Variants in PDCD1LG2 observed in about 807,000 individuals in gnomAD.
The protein encoded by PDCD1LG2 is B7 dendritic cell molecule.
PDCD1LG2 carries 32 observed loss-of-function variants against 28.2 expected under a neutral mutation model. The observed-to-expected ratio is 1.13, with a 90% CI of 0.86 to 1.52. The LOEUF is 1.52. Ranked by LOEUF, PDCD1LG2 falls within the 40% of genes most tolerant of loss-of-function variation. The pLI is 0.00. For missense variants in PDCD1LG2, 385 were observed against 323.8 expected, an observed-to-expected ratio of 1.19 and a Z score of -1.45; for synonymous variants, 116 against 120.2, an observed-to-expected ratio of 0.97 and a Z score of 0.23.
intron 1 of PDCD1LG2, among the ~76,000 whole-genome samples, chr9:5,518,804 C>G (rs1820217971): frequency 6.6e-6 from 1 of 152,192 alleles, no homozygotes; most frequent in South Asian, 2.1e-4. Flanking sequence ...CCTATTCAAG[C>G]TTTCATCTGT....
chr9:5,525,904 G>A (rs1586796870), intron 2 of PDCD1LG2, among the ~76,000 whole-genome samples: 1 of 152,060 alleles, frequency 6.6e-6, no homozygotes, highest in Non-Finnish European at 1.5e-5. Flanking sequence ...AAAATTAGCT[G>A]GGCATGGTGG....
At chr9:5,550,556 C>T (rs1298547556) in intron 4 of PDCD1LG2, among the ~76,000 whole-genome samples, 3 of 152,304 alleles carry the variant, frequency 2.0e-5, no homozygotes, top group African/African-American at 7.2e-5. Context: ...TGCAGAGGCC[C>T]TAAGGGAAGA....
chr9:5,564,015 C>T (rs1816617477), intron 6 of PDCD1LG2, among the ~76,000 whole-genome samples: 1 of 152,180 alleles, frequency 6.6e-6, no homozygotes, highest in Non-Finnish European at 1.5e-5. Flanking sequence ...AGCAACTGAG[C>T]ACCATAGCCA....
intron 2 of PDCD1LG2, among the ~76,000 whole-genome samples, chr9:5,523,352 GTCC>G (rs775614818): frequency 6.6e-5 from 10 of 152,332 alleles, no homozygotes; most frequent in Non-Finnish European, 1.5e-4. Flanking sequence ...AGAGGATTAA[GTCC>G]TCAAGACAAT....
chr9:5,542,820 A>G (rs1390228065), intron 3 of PDCD1LG2, among the ~76,000 whole-genome samples: 2 of 152,042 alleles, frequency 1.3e-5, no homozygotes, highest in East Asian at 3.8e-4. Context: ...CAGCAATCCC[A>G]CTACTAGGTA....
chr9:5,522,484 A>G, intron 1 of PDCD1LG2, 49 bp from the exon 2 acceptor site: 2 of 1,443,590 alleles, frequency 1.4e-6, no homozygotes, highest in Non-Finnish European at 1.9e-6. Context: ...AGAACCAAAG[A>G]CCCAGCAAAG....
At chr9:5,556,963 G>C (rs1389327876) in intron 4 of PDCD1LG2, among the ~76,000 whole-genome samples, 1 of 152,150 alleles carries the variant, frequency 6.6e-6, no homozygotes, top group African/African-American at 2.4e-5. Flanking sequence ...CTAGGACGTT[G>C]AAAAACCGAA....
chr9:5,569,929 C>A lies in PDCD1LG2; in HGVS notation c.817-25C>A. 6.2e-7 allele frequency: 1 copy of A among 1,611,828 alleles called. No homozygotes were observed. Among genetic ancestry groups the A allele is most frequent in the Non-Finnish European group, 8.5e-7 (1 of 1,178,664 alleles). The stretch of plus-strand genomic sequence containing the variant: ...TTTCTAATCATAAAAAATGATTTTT[C>A]TTATTTGTGGGCTTTTCTCCCCAGA... On this transcript the variant is annotated intron_variant, in intron 6 of 6. Coordinates refer to ENST00000397747, the MANE Select transcript of PDCD1LG2 (RefSeq NM_025239.4). This position sits in a 1 kb window ranked among gnomAD's most constrained non-coding sequence, Gnocchi z 4.1.
chr9:5,536,985 T>C (rs1430795470), intron 3 of PDCD1LG2, among the ~76,000 whole-genome samples: 1 of 152,206 alleles, frequency 6.6e-6, no homozygotes, highest in Admixed American at 6.5e-5. Flanking sequence ...AAACCCTCTA[T>C]AGTGTTAAAT....
At chr9:5,535,596 G>A (rs1310772667) in intron 3 of PDCD1LG2, among the ~76,000 whole-genome samples, 1 of 152,124 alleles carries the variant, frequency 6.6e-6, no homozygotes, top group East Asian at 1.9e-4. Context: ...AATTTCTGAG[G>A]GACGTGTGTG....
At chr9:5,547,266 C>T (rs943607838) in intron 3 of PDCD1LG2, among the ~76,000 whole-genome samples, 1 of 152,082 alleles carries the variant, frequency 6.6e-6, no homozygotes, top group Non-Finnish European at 1.5e-5. Flanking sequence ...TGTATCACAC[C>T]TCTGCCTTTA....
intron 4 of PDCD1LG2, among the ~76,000 whole-genome samples, chr9:5,555,189 T>C (rs1317399084): frequency 6.6e-6 from 1 of 151,926 alleles, no homozygotes; most frequent in Non-Finnish European, 1.5e-5. Context: ...CTGAGATGGG[T>C]GGATTGCTTG....
At chr9:5,521,437 G>C (rs755940064) in intron 1 of PDCD1LG2, among the ~76,000 whole-genome samples, 1 of 152,018 alleles carries the variant, frequency 6.6e-6, no homozygotes, top group Non-Finnish European at 1.5e-5. Context: ...TAAAGCTGTT[G>C]AAATTTTTAA....
intron 4 of PDCD1LG2, among the ~76,000 whole-genome samples, chr9:5,554,874 C>T (rs1386135710): frequency 5.3e-5 from 8 of 152,194 alleles, no homozygotes; most frequent in African/African-American, 1.9e-4. Context: ...AAATATCCTA[C>T]TTAGCCACTC....
chr9:5,569,119 C>A lies in PDCD1LG2; in HGVS notation c.817-835C>A, dbSNP rs1469872427. Among the ~76,000 whole-genome samples the A allele has an allele frequency of 6.6e-6, 1 of 152,112 alleles. No individual in the cohort carries two copies. The highest frequency in any genetic ancestry group is 1.5e-5 in the Non-Finnish European group (1 of 68,022). ...AGACTGTTAGGGCATGTATTGTAAA[C>A]CACTAATTCCAGGCAAAAGTTAGAT... On this transcript the variant is annotated intron_variant, in intron 6 of 6. Transcript: ENST00000397747. The surrounding 1 kb of genome is among the most constrained non-coding windows in gnomAD (Gnocchi z 4.1).
In PDCD1LG2 at chr9:5,569,938, G is replaced by C. The variant is rs1195324607; in HGVS notation, c.817-16G>C. On this transcript the variant is annotated splice_polypyrimidine_tract_variant and intron_variant, in intron 6 of 6. Transcript: ENST00000397747. This position sits in a 1 kb window ranked among gnomAD's most constrained non-coding sequence, Gnocchi z 4.1. ...ATAAAAAATGATTTTTCTTATTTGT[G>C]GGCTTTTCTCCCCAGATCTGAACCT... 2 of 1,613,178 alleles carry C rather than the reference G, an allele frequency of 1.2e-6. No homozygotes were observed. Among genetic ancestry groups the C allele is most frequent in the Non-Finnish European group, 8.5e-7 (1 of 1,179,380 alleles).
intron 2 of PDCD1LG2, among the ~76,000 whole-genome samples, chr9:5,532,767 C>T (rs1054443303): frequency 3.3e-5 from 5 of 152,150 alleles, no homozygotes; most frequent in Non-Finnish European, 2.9e-5. Flanking sequence ...CCATGCATTC[C>T]ACATATGAAT....
chr9:5,518,066 G>C lies in PDCD1LG2; in HGVS notation c.-14-4467G>C, dbSNP rs568428350. Among the ~76,000 whole-genome samples the C allele has an allele frequency of 2.4e-4, 37 of 152,342 alleles. No individual in the cohort carries two copies. The South Asian group carries it at 7.7e-3, about 32-fold the overall frequency. On this transcript the variant is annotated intron_variant, in intron 1 of 6. Coordinates refer to ENST00000397747, the MANE Select transcript of PDCD1LG2 (RefSeq NM_025239.4). Reference sequence around the variant, plus strand: ...GGGATGGGCCATATTTGCAAGATGAGAAATGCAGAGGTCTAAGATTCTAGC... The same window carrying C: ...GGGATGGGCCATATTTGCAAGATGACAAATGCAGAGGTCTAAGATTCTAGC...
At chr9:5,556,746 G>A (rs1301289139) in intron 4 of PDCD1LG2, among the ~76,000 whole-genome samples, 1 of 152,104 alleles carries the variant, frequency 6.6e-6, no homozygotes, top group East Asian at 1.9e-4. Flanking sequence ...TGACTCCAGA[G>A]GCAAAATTCA....
Sources: gnomAD v4.1 joint callset for allele counts (sites outside exome capture counted in the v4.1 genomes callset) on GRCh38, gnomAD v4.1.1 for gene constraint, Gnocchi (gnomAD v3.1) non-coding constraint, MANE v1.5 for transcripts, NCBI Gene and HGNC (gene_info 2026-07-23, HGNC 2026-07-21) for gene names.